The following XKR4 variants were observed in gnomAD, a reference collection of about 807,000 sequenced individuals.
XKR4 encodes the protein XK-related protein 4.
A neutral mutation model predicts 53.9 loss-of-function variants in XKR4; 12 were observed. That is an observed-to-expected ratio of 0.22 (90% confidence interval 0.14 to 0.36). The LOEUF is 0.36. Among genes scored for constraint, XKR4 ranks in the 10% least tolerant of loss-of-function variants. XKR4 has a pLI of 1.00. For missense variants in XKR4, 799 were observed against 859.5 expected (o/e 0.93, Z 0.88); for synonymous variants, 354 against 362.4 (o/e 0.98, Z 0.26).
chr8:55,286,453 T>C (rs184084367), intron 1 of XKR4, among the ~76,000 whole-genome samples: 1 of 152,258 alleles, frequency 6.6e-6, no homozygotes, highest in East Asian at 1.9e-4. Context: ...GGCAGCCTCT[T>C]TGGTCTGGAG....
rs555647273 is a variant in XKR4, at chr8:55,140,865, T to C, written c.806+37571T>C. 2.0e-5 allele frequency among the ~76,000 whole-genome samples: 3 copies of C among 152,290 alleles called. No individual in the cohort carries two copies. In the East Asian group the frequency reaches 5.8e-4, roughly 29 times the overall value. The stretch of plus-strand genomic sequence containing the variant: ...GTCAACTAAGAAAATAAAACTAGGA[T>C]CATTAGGCTGTCTGAGAGACCTTTC... On this transcript the variant is annotated intron_variant, in intron 1 of 2. Transcript: ENST00000327381.
chr8:55,249,993 T>G (rs1292233777), intron 1 of XKR4, among the ~76,000 whole-genome samples: 2 of 152,244 alleles, frequency 1.3e-5, no homozygotes, highest in African/African-American at 4.8e-5. Context: ...AGAAATTATC[T>G]GAAAAATTAA....
At chr8:55,466,733 T>C (rs1010819209) in intron 2 of XKR4, among the ~76,000 whole-genome samples, 2 of 152,170 alleles carry the variant, frequency 1.3e-5, no homozygotes. Context: ...TAATATATGA[T>C]GTATCAGAAT....
At chr8:55,177,021 G>T (rs1430511010) in intron 1 of XKR4, among the ~76,000 whole-genome samples, 2 of 151,560 alleles carry the variant, frequency 1.3e-5, no homozygotes, top group Non-Finnish European at 2.9e-5. Context: ...AATGTGAGTG[G>T]TCTACCCTTC....
intron 2 of XKR4, among the ~76,000 whole-genome samples, chr8:55,479,019 G>A (rs913729013): frequency 1.3e-5 from 2 of 152,052 alleles, no homozygotes; most frequent in Non-Finnish European, 2.9e-5. Context: ...AGGATACCCA[G>A]GAATTGAACT....
At chr8:55,272,933 C>T (rs537201315) in intron 1 of XKR4, 9 of 452,736 alleles carry the variant, frequency 2.0e-5, no homozygotes, top group Middle Eastern at 6.6e-4. Flanking sequence ...ATAAACTTCT[C>T]GGATAAACAC....
At chr8:55,242,221 G>T (rs1027301319) in intron 1 of XKR4, among the ~76,000 whole-genome samples, 13 of 152,160 alleles carry the variant, frequency 8.5e-5, no homozygotes, top group Non-Finnish European at 1.6e-4. Flanking sequence ...GTCCTGATTA[G>T]CATGTGTTTC....
intron 2 of XKR4, among the ~76,000 whole-genome samples, chr8:55,428,265 A>G (rs949875318): frequency 6.6e-6 from 1 of 152,210 alleles, no homozygotes; most frequent in African/African-American, 2.4e-5. Flanking sequence ...TGATCAACAT[A>G]GCAAAGAGTT....
At chr8:55,256,026 AG>A (rs1355583743) in intron 1 of XKR4, among the ~76,000 whole-genome samples, 4 of 151,572 alleles carry the variant, frequency 2.6e-5, no homozygotes, top group Non-Finnish European at 5.9e-5. Context: ...GGAGTAGAAA[AG>A]GGATGCCCCT....
intron 1 of XKR4, among the ~76,000 whole-genome samples, chr8:55,171,840 A>G (rs1817163096): frequency 6.6e-6 from 1 of 152,140 alleles, no homozygotes; most frequent in Admixed American, 6.5e-5. Flanking sequence ...TCCCGAGTCC[A>G]GATCCCCATC....
chr8:55,387,907 G>A (rs1804348031), intron 2 of XKR4, among the ~76,000 whole-genome samples: 1 of 152,166 alleles, frequency 6.6e-6, no homozygotes. Flanking sequence ...GAGATGGGAG[G>A]GTGATATGAG....
intron 1 of XKR4, among the ~76,000 whole-genome samples, chr8:55,291,206 A>G (rs181427954): frequency 9.9e-5 from 15 of 152,180 alleles, no homozygotes; most frequent in Admixed American, 5.2e-4. Context: ...TAGATTCCAT[A>G]TTCTTTTCCA....
At chr8:55,455,896 G>A (rs955363) in intron 2 of XKR4, among the ~76,000 whole-genome samples, 61,744 of 152,026 alleles carry the variant, frequency 0.41, 13,246 homozygotes, top group East Asian at 0.53. Flanking sequence ...ACTGATCTCT[G>A]AGTTATGCAG....
At chr8:55,229,433 T>A (rs1282664346) in intron 1 of XKR4, among the ~76,000 whole-genome samples, 1 of 152,192 alleles carries the variant, frequency 6.6e-6, no homozygotes, top group East Asian at 1.9e-4. Flanking sequence ...TCAGGCTTCG[T>A]GGTATCTAGA....
intron 1 of XKR4, among the ~76,000 whole-genome samples, chr8:55,223,212 C>G (rs117858207): frequency 6.6e-6 from 1 of 152,162 alleles, no homozygotes. Context: ...AATTATAGCC[C>G]GGGTCTGATG....
intron 1 of XKR4, among the ~76,000 whole-genome samples, chr8:55,287,084 G>A (rs1266589636): frequency 6.9e-6 from 1 of 144,172 alleles, no homozygotes; most frequent in Admixed American, 7.1e-5. Context: ...ATACTTTGAG[G>A]TTGGAAATTT....
intron 1 of XKR4, among the ~76,000 whole-genome samples, chr8:55,147,523 G>A (rs1253065557): frequency 1.3e-5 from 2 of 152,196 alleles, no homozygotes; most frequent in African/African-American, 2.4e-5. Flanking sequence ...TCAGATTCTA[G>A]TTCACATGCT....
chr8:55,125,357 C>T (rs1406909675), intron 1 of XKR4, among the ~76,000 whole-genome samples: 1 of 152,064 alleles, frequency 6.6e-6, no homozygotes, highest in Non-Finnish European at 1.5e-5. Context: ...GCCTCGGCCT[C>T]CCGAGTAGCT....
At chr8:55,396,660 G>A (rs187972042) in intron 2 of XKR4, among the ~76,000 whole-genome samples, 7 of 152,198 alleles carry the variant, frequency 4.6e-5, no homozygotes, top group Non-Finnish European at 8.8e-5. Context: ...AGGACAGGGA[G>A]GTAAAGCGGA....
Sources: gnomAD v4.1 joint callset for allele counts (sites outside exome capture counted in the v4.1 genomes callset) on GRCh38, gnomAD v4.1.1 for gene constraint, MANE v1.5 for transcripts, NCBI Gene and HGNC (gene_info 2026-07-23, HGNC 2026-07-21) for gene names.